The following LGALS1 variants were observed in gnomAD, a reference collection of about 807,000 sequenced individuals.
LGALS1 encodes galectin-1.
A neutral mutation model predicts 14.4 loss-of-function variants in LGALS1; 14 were observed. The ratio of observed to expected loss-of-function variants is 0.97; its 90% confidence interval spans 0.64 to 1.52. The LOEUF (loss-of-function observed/expected upper bound fraction) is 1.52, where lower values mean the gene tolerates loss of function less well. LGALS1 is among the 40% of genes most tolerant of loss of function. LGALS1 has a pLI of 0.00. For synonymous variants in LGALS1, 71 were observed against 73.4 expected (o/e 0.97, Z 0.17); for missense variants, 170 against 181.4 (o/e 0.94, Z 0.36).
At chr22:37,676,940 G>A in intron 1 of LGALS1, 46 bp from the exon 2 acceptor site, 2 of 1,606,132 alleles carry the variant, frequency 1.2e-6, no homozygotes, top group South Asian at 1.1e-5. Flanking sequence ...TCGAGCAGTG[G>A]AGGCCTTGTC....
In LGALS1 at chr22:37,679,675, C is replaced by A; in HGVS notation, c.334C>A (p.Arg112Ser). The stretch of plus-strand genomic sequence containing the variant: ...TGGATACGAATTCAAGTTCCCCAAC[C>A]GCCTCAACCTGGAGGCCATCAACTA... ...PDGYEFKFPN[R>S]LNLEAINYMA... is the part of the protein sequence containing the mutation. Residue 112 changes from arginine (R) to serine (S), a missense_variant, in exon 4 of 4, where the codon CGC (arginine) becomes AGC (serine). Coordinates refer to ENST00000215909, the MANE Select transcript of LGALS1 (RefSeq NM_002305.4). The A allele has an allele frequency of 6.2e-7, 1 of 1,610,852 alleles. No individual in the cohort carries two copies. The highest frequency in any genetic ancestry group is 8.5e-7 in the Non-Finnish European group (1 of 1,178,906).
At chr22:37,677,805 GAC>G (rs1459116577) in intron 2 of LGALS1, among the ~76,000 whole-genome samples, 1 of 151,616 alleles carries the variant, frequency 6.6e-6, no homozygotes, top group Non-Finnish European at 1.5e-5. Context: ...TATTTTTTGA[GAC>G]ACAGTCTCAC....
At chr22:37,678,675 G>GT in intron 3 of LGALS1, 21 bp downstream of exon 3, 3 of 1,562,134 alleles carry the variant, frequency 1.9e-6, no homozygotes, top group African/African-American at 1.4e-5. Context: ...GACCGGAACC[G>GT]GGGACCAGGG....
Position 37,678,270 on chromosome 22 carries a change from G to A in LGALS1, c.90-213G>A, listed in dbSNP as rs112982840. On this transcript the variant is annotated intron_variant, in intron 2 of 3. Coordinates refer to ENST00000215909, the MANE Select transcript of LGALS1 (RefSeq NM_002305.4). ...ATGCTAATGACTTCAAGAATCAAGC[G>A]AGCCCTCCTGTGCAGCCCCCATTGT... The A allele has an allele frequency of 8.7e-4, 604 of 693,478 alleles. 1 individual carries two copies. The African/African-American group carries it at 9.1e-3, about 10-fold the overall frequency. 43.0% of individuals were successfully genotyped at this position (693,478 alleles called of 1,614,324 possible). A position where few individuals can be genotyped will look rare whatever the true frequency, so the allele number is the denominator to read the frequency against.
intron 2 of LGALS1, 163 bp from the exon 3 acceptor site, chr22:37,678,318 AGG>A (rs1921508881): frequency 4.0e-6 from 3 of 759,392 alleles, no homozygotes; most frequent in Non-Finnish European, 7.0e-6. Context: ...ACAGGGGAAG[AGG>A]GGCAGGAGCA....
Position 37,678,559 on chromosome 22 carries a change from G to C in LGALS1, c.166G>C (p.Ala56Pro). ...FNPRFNAHGD[A>P]NTIVCNSKDG... ...CCCTCGCTTCAACGCCCACGGCGAC[G>C]CCAACACCATCGTGTGCAACAGCAA... Residue 56 changes from alanine (A) to proline (P), a missense_variant, in exon 3 of 4, where the codon GCC (alanine) becomes CCC (proline). Transcript: ENST00000215909. 2 of 1,613,562 alleles carry C rather than the reference G, an allele frequency of 1.2e-6. No homozygotes were observed.
chr22:37,676,253 C>T (rs1162955583), intron 1 of LGALS1: 3 of 152,792 alleles, frequency 2.0e-5, no homozygotes, highest in African/African-American at 7.2e-5. Context: ...TTCCCTTCCA[C>T]CACCCCCAAG....
chr22:37,675,933 G>T (rs955094803), intron 1 of LGALS1, among the ~76,000 whole-genome samples: 3 of 152,204 alleles, frequency 2.0e-5, no homozygotes, highest in Non-Finnish European at 4.4e-5. Context: ...TTCCTCCAGG[G>T]TCTGAAAGCA....
chr22:37,678,076 C>T (rs148678908), intron 2 of LGALS1, among the ~76,000 whole-genome samples: 2 of 152,306 alleles, frequency 1.3e-5, no homozygotes, highest in African/African-American at 2.4e-5. Flanking sequence ...CATGAGCCAC[C>T]GTGCCCGGGA....
intron 3 of LGALS1, 58 bp downstream of exon 3, chr22:37,678,712 G>A (rs1921528703): frequency 1.4e-6 from 2 of 1,429,340 alleles, no homozygotes; most frequent in Non-Finnish European, 9.4e-7. Context: ...CTGGGGCGGG[G>A]CTGGGTTAGT....
chr22:37,678,341 C>T lies in LGALS1; in HGVS notation c.90-142C>T. ...AGAGGGGCAGGAGCAGGTGGCATGG[C>T]CAGAGCTAGAATCCAGGTTTCTTGT... On this transcript the variant is annotated intron_variant, in intron 2 of 3. Coordinates refer to ENST00000215909, the MANE Select transcript of LGALS1 (RefSeq NM_002305.4). 2 of 902,100 alleles carry T rather than the reference C, an allele frequency of 2.2e-6. 1 individual carries two copies. Among genetic ancestry groups the T allele is most frequent in the Non-Finnish European group, 3.6e-6 (2 of 555,656 alleles). The allele number at this position is 902,100 out of a possible 1,614,324, so 55.9% of individuals were successfully genotyped here.
chr22:37,676,556 C>T (rs769688123), intron 1 of LGALS1, among the ~76,000 whole-genome samples: 33 of 151,976 alleles, frequency 2.2e-4, no homozygotes, highest in East Asian at 1.4e-3. Context: ...ATAGTGGGGT[C>T]GCCCGCCCCT....
At chr22:37,676,637 C>G (rs574039199) in intron 1 of LGALS1, among the ~76,000 whole-genome samples, 5 of 152,106 alleles carry the variant, frequency 3.3e-5, no homozygotes, top group African/African-American at 1.2e-4. Flanking sequence ...GTCGGCCCCT[C>G]CCCAGCCTGA....
At position 37,679,644 on chromosome 22, in the gene LGALS1, G is replaced by A; in HGVS notation, c.303G>A (p.Leu101=). 6.2e-7 allele frequency: 1 copy of A among 1,610,182 alleles called. No homozygotes were observed. Among genetic ancestry groups the A allele is most frequent in the Non-Finnish European group, 8.5e-7 (1 of 1,178,720 alleles). The change falls in exon 4 of 4, where the codon CTG becomes CTA. Residue 101 remains leucine, a synonymous_variant. Transcript: ENST00000215909. ...TFDQANLTVK[L]PDGYEFKFPN... ...ACCAGGCCAACCTGACCGTCAAGCT[G>A]CCAGATGGATACGAATTCAAGTTCC... is the stretch of plus-strand genomic sequence containing the variant.
At chr22:37,678,429 T>C (rs772556415) in intron 2 of LGALS1, 54 bp from the exon 3 acceptor site, 2 of 1,595,702 alleles carry the variant, frequency 1.3e-6, no homozygotes, top group East Asian at 4.5e-5. Context: ...GATTAGTCGG[T>C]CAGTGGGGCT....
At chr22:37,677,246 C>CCCCTCCCCCGCT (rs1921464850) in intron 2 of LGALS1, 181 bp downstream of exon 2, 6 of 616,628 alleles carry the variant, frequency 9.7e-6, no homozygotes, top group South Asian at 1.9e-5. Context: ...CCGTTGCCGC[C>CCCCTCCCCCGCT]CCCTCCCCCG....
intron 3 of LGALS1, among the ~76,000 whole-genome samples, chr22:37,679,189 T>C (rs1465964951): frequency 1.3e-5 from 2 of 150,938 alleles, no homozygotes; most frequent in Non-Finnish European, 2.9e-5. Flanking sequence ...CCTGGCACTT[T>C]GGGAGACCAA....
intron 3 of LGALS1, among the ~76,000 whole-genome samples, chr22:37,678,957 C>G (rs1289702712): frequency 3.9e-5 from 6 of 151,976 alleles, no homozygotes; most frequent in Admixed American, 2.6e-4. Flanking sequence ...TGGAGAAACC[C>G]TGTCTCGACT....
intron 1 of LGALS1, among the ~76,000 whole-genome samples, chr22:37,676,494 G>A (rs184683561): frequency 6.9e-4 from 105 of 152,256 alleles, no homozygotes; most frequent in Admixed American, 5.0e-3. Context: ...GTGTTTTTCA[G>A]GGTCTCCTCT....
Sources: allele counts gnomAD v4.1 joint callset (sites outside exome capture counted in the v4.1 genomes callset), GRCh38; gene constraint gnomAD v4.1.1; transcripts MANE v1.5; gene names NCBI Gene and HGNC (gene_info 2026-07-23, HGNC 2026-07-21).